The following DAB2IP variants were observed in gnomAD, a reference collection of about 807,000 sequenced individuals.
DAB2IP encodes DAB2 interacting protein.
Under a neutral mutation model 107.2 loss-of-function variants are expected in DAB2IP, and 28 were observed. The observed-to-expected ratio is 0.26, with a 90% CI of 0.19 to 0.36. The LOEUF is 0.36. Among genes scored for constraint, DAB2IP ranks in the 10% least tolerant of loss-of-function variants. The probability of loss-of-function intolerance (pLI) is 1.00; values close to 1 mark genes in which losing one functional copy is unlikely to be tolerated. For missense variants in DAB2IP, 1,400 were observed against 1,644.7 expected (o/e 0.85, Z 2.57); for synonymous variants, 755 against 706.4 (o/e 1.07, Z -1.09).
intron 3 of DAB2IP, among the ~76,000 whole-genome samples, chr9:121,734,238 G>A (rs945012443): frequency 2.7e-5 from 4 of 149,394 alleles, no homozygotes; most frequent in Admixed American, 6.6e-5. Context: ...TTAGCCGGGC[G>A]CGGTGGCGGG....
At chr9:121,716,991 G>T (rs1589572164) in intron 3 of DAB2IP, among the ~76,000 whole-genome samples, 2 of 152,204 alleles carry the variant, frequency 1.3e-5, no homozygotes, top group African/African-American at 2.4e-5. Context: ...CTGTTTCAGC[G>T]AAGGCAAGTC....
At chr9:121,732,338 T>C (rs961664309) in intron 3 of DAB2IP, among the ~76,000 whole-genome samples, 3 of 152,184 alleles carry the variant, frequency 2.0e-5, no homozygotes, top group Non-Finnish European at 4.4e-5. Flanking sequence ...CATTACATTT[T>C]TGGAGTGAAC....
chr9:121,754,528 C>T (rs1833343627), intron 3 of DAB2IP, among the ~76,000 whole-genome samples: 1 of 152,202 alleles, frequency 6.6e-6, no homozygotes, highest in South Asian at 2.1e-4. Flanking sequence ...CGTGGAGAAG[C>T]TCCCAGGGAA....
chr9:121,771,789 C>T (rs1834760926), intron 11 of DAB2IP, among the ~76,000 whole-genome samples: 1 of 152,170 alleles, frequency 6.6e-6, no homozygotes. Flanking sequence ...CAGGGAGTGG[C>T]ACTTCCTCTC....
chr9:121,589,293 G>T (rs1233512323), intron 1 of DAB2IP, among the ~76,000 whole-genome samples: 1 of 152,130 alleles, frequency 6.6e-6, no homozygotes, highest in Non-Finnish European at 1.5e-5. Flanking sequence ...GTGCAGCCCT[G>T]CCTCTTCTCC....
intron 3 of DAB2IP, among the ~76,000 whole-genome samples, chr9:121,705,089 C>T (rs1027086172): frequency 6.6e-6 from 1 of 152,220 alleles, no homozygotes; most frequent in African/African-American, 2.4e-5. Context: ...ATTTTTATTA[C>T]TCTCCTTTAG....
upstream of DAB2IP, chr9:121,651,583 C>T (rs1832738924): frequency 2.2e-6 from 2 of 922,138 alleles, no homozygotes; most frequent in Non-Finnish European, 1.3e-6. The surrounding 1 kb of genome is among the most constrained non-coding windows in gnomAD (Gnocchi z 5.1). Flanking sequence ...CGCCGCGGGG[C>T]CGGCTGCTCG....
rs577349577 is a variant in DAB2IP, at chr9:121,702,149, A to G, written c.362+2691A>G. Among the ~76,000 whole-genome samples the G allele has an allele frequency of 4.9e-4, 75 of 152,244 alleles. 1 individual carries two copies. The highest frequency in any genetic ancestry group is 1.8e-3 in the African/African-American group (74 of 41,534). On this transcript the variant is annotated intron_variant, in intron 3 of 15. Transcript: ENST00000408936. This position sits in a 1 kb window ranked among gnomAD's most constrained non-coding sequence, Gnocchi z 4.5. ...TATCTGGTTTATATGGCTGCTGAAG[A>G]GGCTTTGTTGAATGCTGTCTGCGTG...
At chr9:121,614,346 T>TTC in intron 1 of DAB2IP, among the ~76,000 whole-genome samples, 1 of 146,008 alleles carries the variant, frequency 6.8e-6, no homozygotes, top group East Asian at 2.0e-4. Flanking sequence ...TCTTTTTTTT[T>TTC]TTTTTTTTTT....
At chr9:121,704,206 T>TA (rs1829939689) in intron 3 of DAB2IP, among the ~76,000 whole-genome samples, 1 of 152,174 alleles carries the variant, frequency 6.6e-6, no homozygotes, top group Non-Finnish European at 1.5e-5. Context: ...TTACTAGGTC[T>TA]AAAAATATGA....
intron 14 of DAB2IP, among the ~76,000 whole-genome samples, 169 bp from the exon 15 acceptor site, chr9:121,781,295 C>T (rs571680667): frequency 4.6e-5 from 7 of 152,078 alleles, no homozygotes; most frequent in Middle Eastern, 3.2e-3. Flanking sequence ...TGCTGGGAGT[C>T]GGCTGGAGGG....
Position 121,782,237 on chromosome 9 carries a change from T to C in DAB2IP, c.3403-94T>C. The C allele has an allele frequency of 6.6e-7, 1 of 1,523,362 alleles. No individual in the cohort carries two copies. The highest frequency in any genetic ancestry group is 8.8e-7 in the Non-Finnish European group (1 of 1,131,942). The allele number at this position is 1,523,362 out of a possible 1,614,324, so 94.4% of individuals were successfully genotyped here. On this transcript the variant is annotated intron_variant, in intron 15 of 15. Transcript: ENST00000408936. The surrounding 1 kb of genome is among the most constrained non-coding windows in gnomAD (Gnocchi z 6.1). ...CCGGAGCCTGCCTGCCACCCTCATC[T>C]CCAGGCCACCCCCTTCCCCGATGCT...
chr9:121,636,955 C>A (rs1409252326), intron 1 of DAB2IP, among the ~76,000 whole-genome samples: 3 of 152,148 alleles, frequency 2.0e-5, no homozygotes, highest in African/African-American at 7.2e-5. Context: ...AGCTGAGAAC[C>A]CCCAGGGGTA....
intron 1 of DAB2IP, among the ~76,000 whole-genome samples, chr9:121,572,353 C>T (rs1240798324): frequency 1.3e-5 from 2 of 152,094 alleles, no homozygotes; most frequent in African/African-American, 4.8e-5. Flanking sequence ...CAGGGTGCTG[C>T]ACAGCACTGG....
chr9:121,666,209 C>T (rs535877821), intron 1 of DAB2IP, among the ~76,000 whole-genome samples: 1 of 152,302 alleles, frequency 6.6e-6, no homozygotes, highest in African/African-American at 2.4e-5. Flanking sequence ...CTTTCTCTGA[C>T]CTGCCTATCT....
At chr9:121,650,211 G>A (rs1278035150), upstream of DAB2IP, among the ~76,000 whole-genome samples, 5 of 152,180 alleles carry the variant, frequency 3.3e-5, no homozygotes, top group East Asian at 9.7e-4. Context: ...CCAGTATTCA[G>A]GGAAGAGGGG....
At chr9:121,773,973 G>T (rs1359273760) in intron 12 of DAB2IP, among the ~76,000 whole-genome samples, 4 of 152,174 alleles carry the variant, frequency 2.6e-5, no homozygotes, top group Admixed American at 2.6e-4. Flanking sequence ...CCCCCACTCA[G>T]TGCAGCCTGC....
chr9:121,673,867 G>A (rs1833781662), intron 1 of DAB2IP, among the ~76,000 whole-genome samples: 1 of 152,176 alleles, frequency 6.6e-6, no homozygotes, highest in Non-Finnish European at 1.5e-5. Flanking sequence ...CCCCATCTGT[G>A]GGTAAAGGAG....
chr9:121,739,539 C>G (rs1832170433), intron 3 of DAB2IP, among the ~76,000 whole-genome samples: 1 of 152,080 alleles, frequency 6.6e-6, no homozygotes, highest in African/African-American at 2.4e-5. Context: ...CAGCAGGCTG[C>G]CTGGGGAAGA....
Sources: gnomAD v4.1 joint callset for allele counts (sites outside exome capture counted in the v4.1 genomes callset) on GRCh38, gnomAD v4.1.1 for gene constraint, Gnocchi (gnomAD v3.1) non-coding constraint, MANE v1.5 for transcripts, NCBI Gene and HGNC (gene_info 2026-07-23, HGNC 2026-07-21) for gene names.